Variants in MED13L observed in about 807,000 individuals in gnomAD.
MED13L encodes the protein mediator of RNA polymerase II transcription subunit 13-like.
In MED13L, 7 loss-of-function variants were observed where a neutral mutation model predicts 220.9. The ratio of observed to expected loss-of-function variants is 0.03; its 90% CI spans 0.02 to 0.06. The LOEUF (loss-of-function observed/expected upper bound fraction) is 0.06. Ranked by LOEUF, MED13L falls within the 10% of genes least tolerant of loss-of-function variation. The pLI is 1.00. For missense variants in MED13L, 1,965 were observed against 2,760.5 expected, an observed-to-expected ratio of 0.71 and a Z score of 6.46; for synonymous variants, 1,011 against 1,015.2, an observed-to-expected ratio of 1.00 and a Z score of 0.08.
intron 3 of MED13L, among the ~76,000 whole-genome samples, chr12:116,097,935 T>C (rs1287764932): frequency 2.6e-5 from 4 of 151,784 alleles, no homozygotes; most frequent in Admixed American, 1.3e-4. Context: ...TTGTAAGGAG[T>C]ATAACTGATT....
intron 23 of MED13L, among the ~76,000 whole-genome samples, chr12:115,976,305 T>A (rs1273939344): frequency 6.6e-6 from 1 of 152,168 alleles, no homozygotes; most frequent in Non-Finnish European, 1.5e-5. Context: ...TGTGATATAG[T>A]TAACAGAATC....
At chr12:115,972,490 C>T (rs1297195262) in intron 25 of MED13L, 6 of 457,088 alleles carry the variant, frequency 1.3e-5, no homozygotes, top group African/African-American at 2.0e-5. Context: ...GAGTCCAGCA[C>T]TAATCCAGTC....
chr12:116,012,296 A>G (rs1879459033), intron 9 of MED13L, among the ~76,000 whole-genome samples: 1 of 152,262 alleles, frequency 6.6e-6, no homozygotes, highest in Admixed American at 6.5e-5. Context: ...CTGAGGACGT[A>G]TCCAAAGAAC....
At chr12:116,246,804 A>G (rs955009276) in intron 1 of MED13L, among the ~76,000 whole-genome samples, 2 of 59,180 alleles carry the variant, frequency 3.4e-5, no homozygotes, top group East Asian at 7.1e-4. Context: ...GAGGGGAGGG[A>G]GGTGGGGAGG....
chr12:116,239,793 A>G (rs115081261), intron 1 of MED13L, among the ~76,000 whole-genome samples: 2,856 of 152,354 alleles, frequency 0.019, 53 homozygotes, highest in Middle Eastern at 0.054. Flanking sequence ...CCCAAATTGC[A>G]TATCTTTTAA....
At chr12:116,027,601 A>G (rs1386700828) in intron 4 of MED13L, among the ~76,000 whole-genome samples, 1 of 152,096 alleles carries the variant, frequency 6.6e-6, no homozygotes, top group Non-Finnish European at 1.5e-5. Context: ...CTTGCCTCCT[A>G]TCCTTATGCA....
chr12:116,205,065 G>A (rs565207063), intron 2 of MED13L, among the ~76,000 whole-genome samples: 8 of 152,208 alleles, frequency 5.3e-5, no homozygotes, highest in Non-Finnish European at 7.4e-5. Context: ...AACTACTCAT[G>A]TGGCTTGCCT....
intron 2 of MED13L, among the ~76,000 whole-genome samples, chr12:116,163,441 T>G (rs1879030953): frequency 6.6e-6 from 1 of 151,290 alleles, no homozygotes; most frequent in Non-Finnish European, 1.5e-5. Context: ...CTCGGCTCAC[T>G]GCAACCTCTG....
At chr12:116,185,254 A>T (rs1880804706) in intron 2 of MED13L, among the ~76,000 whole-genome samples, 1 of 152,198 alleles carries the variant, frequency 6.6e-6, no homozygotes, top group African/African-American at 2.4e-5. Flanking sequence ...AACCAAAAGA[A>T]AACCAAAAAG....
In MED13L at chr12:115,976,087, G is replaced by A. The variant is rs563993495; in HGVS notation, c.5365-349C>T. The stretch of plus-strand genomic sequence containing the variant: ...CACCAGTATGTCGAAAATAAAAAAA[G>A]AGAAAATATTGGTAAGAATATGGAG... On this transcript the variant is annotated intron_variant, in intron 23 of 30. Transcript: ENST00000281928. Among the ~76,000 whole-genome samples the A allele has an allele frequency of 5.3e-4, 81 of 152,240 alleles. 1 individual carries two copies. Among genetic ancestry groups the A allele is most frequent in the Non-Finnish European group, 2.2e-4 (15 of 68,012 alleles).
intron 2 of MED13L, among the ~76,000 whole-genome samples, chr12:116,124,122 A>AGAGAGAGAG (rs1565888715): frequency 2.2e-5 from 2 of 91,220 alleles, no homozygotes; most frequent in Non-Finnish European, 4.5e-5. Context: ...AGAGAGAAAG[A>AGAGAGAGAG]CGAGAGAGAG....
intron 2 of MED13L, among the ~76,000 whole-genome samples, chr12:116,190,166 T>A (rs964617735): frequency 3.9e-5 from 6 of 152,220 alleles, no homozygotes; most frequent in African/African-American, 1.4e-4. Context: ...TTTTCACCAT[T>A]AAGAATAATC....
intron 2 of MED13L, among the ~76,000 whole-genome samples, chr12:116,187,213 G>A (rs969135242): frequency 6.6e-6 from 1 of 152,188 alleles, no homozygotes; most frequent in African/African-American, 2.4e-5. Context: ...ACAAAATAGT[G>A]GTTAAGACCA....
chr12:115,972,626 C>A (rs1565986109), intron 25 of MED13L, among the ~76,000 whole-genome samples: 1 of 152,192 alleles, frequency 6.6e-6, no homozygotes, highest in East Asian at 1.9e-4. Flanking sequence ...TGGAGGAAAG[C>A]ACTGGCAGGT....
intron 4 of MED13L, among the ~76,000 whole-genome samples, chr12:116,042,827 T>C (rs1404232539): frequency 1.3e-5 from 2 of 152,086 alleles, no homozygotes; most frequent in African/African-American, 4.8e-5. Context: ...ATGAGAAAAA[T>C]CAGTATTGTT....
At chr12:116,013,081 T>A (rs1879512311) in intron 8 of MED13L, among the ~76,000 whole-genome samples, 180 bp from the exon 9 acceptor site, 1 of 152,166 alleles carries the variant, frequency 6.6e-6, no homozygotes, top group Non-Finnish European at 1.5e-5. Context: ...ATTCAAAATG[T>A]TTCCATTTGG....
intron 2 of MED13L, among the ~76,000 whole-genome samples, chr12:116,169,786 A>G (rs539497406): frequency 7.3e-4 from 111 of 152,258 alleles, no homozygotes; most frequent in African/African-American, 2.5e-3. Context: ...AGGCAGGAGG[A>G]TCACTTAAAG....
chr12:116,036,739 A>G (rs535216274), intron 4 of MED13L, among the ~76,000 whole-genome samples: 2 of 152,178 alleles, frequency 1.3e-5, no homozygotes, highest in Admixed American at 6.5e-5. Context: ...TATTTTGCTA[A>G]TATTACTTTA....
chr12:116,175,201 C>T (rs1327992450), intron 2 of MED13L, among the ~76,000 whole-genome samples: 1 of 152,078 alleles, frequency 6.6e-6, no homozygotes, highest in Non-Finnish European at 1.5e-5. Flanking sequence ...AAACCAGCAC[C>T]TTCCCGCCAA....
Sources: gnomAD v4.1 joint callset for allele counts (sites outside exome capture counted in the v4.1 genomes callset) on GRCh38, gnomAD v4.1.1 for gene constraint, MANE v1.5 for transcripts, NCBI Gene and HGNC (gene_info 2026-07-23, HGNC 2026-07-21) for gene names.